The following MYO1B variants were observed in gnomAD, a reference collection of about 807,000 sequenced individuals.
MYO1B encodes unconventional myosin-Ib.
A neutral mutation model predicts 159.7 loss-of-function variants in MYO1B; 72 were observed. The ratio of observed to expected loss-of-function variants is 0.45; its 90% CI spans 0.37 to 0.55. The LOEUF is 0.55. MYO1B is among the 20% of genes least tolerant of loss of function. The pLI is 0.00. For synonymous variants in MYO1B, 468 were observed against 473.8 expected, an observed-to-expected ratio of 0.99 and a Z score of 0.16; for missense variants, 1,062 against 1,364.8, an observed-to-expected ratio of 0.78 and a Z score of 3.50.
chr2:191,390,451 GC>G lies in MYO1B; in HGVS notation c.1942del (p.Leu648PhefsTer24). 1 of 1,614,184 alleles carries G rather than the reference GC, an allele frequency of 6.2e-7. No individual in the cohort carries two copies. Among genetic ancestry groups the G allele is most frequent in the Non-Finnish European group, 8.5e-7 (1 of 1,180,008 alleles). On this transcript the variant is annotated frameshift_variant, in exon 18 of 31. Transcript: ENST00000392318. LOFTEE classifies it high-confidence loss of function. ...AACCTTGCCTAGAAAGATACAAAAT[GC>G]TTTGTAAACAAACATGGCCTCATTG... is the stretch of plus-strand genomic sequence containing the variant. ...YEPCLERYKM[L>X]CKQTWPHWKG...
At chr2:191,302,947 G>T (rs1689424019) in intron 3 of MYO1B, among the ~76,000 whole-genome samples, 1 of 152,180 alleles carries the variant, frequency 6.6e-6, no homozygotes. Context: ...TTTTGGGCCA[G>T]ACTGGTTTTT....
intron 13 of MYO1B, among the ~76,000 whole-genome samples, chr2:191,378,513 T>C (rs1694850811): frequency 6.6e-6 from 1 of 152,058 alleles, no homozygotes; most frequent in Non-Finnish European, 1.5e-5. Context: ...ATCAGTTAGG[T>C]TGGGGCAGAA....
At chr2:191,379,595 T>G (rs115067642) in intron 13 of MYO1B, among the ~76,000 whole-genome samples, 254 of 152,300 alleles carry the variant, frequency 1.7e-3, no homozygotes, top group Non-Finnish European at 1.8e-3. Flanking sequence ...TTCCTTCTCA[T>G]TATTTGCTGT....
At chr2:191,397,182 TTTTTA>T (rs1167800651) in intron 21 of MYO1B, among the ~76,000 whole-genome samples, 4 of 148,184 alleles carry the variant, frequency 2.7e-5, no homozygotes, top group South Asian at 2.1e-4. Context: ...TTTTTTTTAT[TTTTTA>T]TTTTATTTTA....
At chr2:191,282,149 C>A (rs1688099759) in intron 2 of MYO1B, among the ~76,000 whole-genome samples, 2 of 152,214 alleles carry the variant, frequency 1.3e-5, no homozygotes, top group South Asian at 4.1e-4. Flanking sequence ...TGGGTATAAT[C>A]TCTGTTCCTG....
At chr2:191,248,040 C>T in intron 1 of MYO1B, 1 of 984,880 alleles carries the variant, frequency 1.0e-6, no homozygotes, top group Non-Finnish European at 1.2e-6. Context: ...AAGAAGGGAT[C>T]TTCAGCATGT....
chr2:191,423,781 T>C (rs1030911953), intron 30 of MYO1B, 56 bp from the exon 31 acceptor site: 3 of 1,562,346 alleles, frequency 1.9e-6, no homozygotes, highest in Admixed American at 1.9e-5. Flanking sequence ...GCAAGTGTTA[T>C]TGTAATCATG....
At chr2:191,247,950 GCA>G (rs1309719441) in intron 1 of MYO1B, 2 of 985,314 alleles carry the variant, frequency 2.0e-6, no homozygotes, top group Non-Finnish European at 2.4e-6. Context: ...CCTGATTGCT[GCA>G]CAGTTATGCA....
In MYO1B at chr2:191,383,443, GTTT is replaced by G. The variant is rs200389825; in HGVS notation, c.1353+105_1353+107del. The G allele has an allele frequency of 8.0e-5, 6 of 75,300 alleles. No individual in the cohort carries two copies. In the South Asian group the frequency reaches 3.3e-3, roughly 42 times the overall value. 4.7% of individuals were successfully genotyped at this position (75,300 alleles called of 1,614,324 possible). A position where few individuals can be genotyped will look rare whatever the true frequency, so the allele number is the denominator to read the frequency against. On this transcript the variant is annotated intron_variant, in intron 15 of 30. Transcript: ENST00000392318. ...AATGTTAAGCATTAGTATTTTCACT[GTTT>G]TTTATATATATATATATATATATAT...
intron 3 of MYO1B, among the ~76,000 whole-genome samples, chr2:191,307,979 A>G (rs1232722691): frequency 6.6e-6 from 1 of 152,054 alleles, no homozygotes; most frequent in Non-Finnish European, 1.5e-5. Flanking sequence ...TCTCCCCAAA[A>G]AAACAGAATT....
chr2:191,408,324 C>A, intron 25 of MYO1B, 135 bp downstream of exon 25: 1 of 600,964 alleles, frequency 1.7e-6, no homozygotes. Context: ...ATAGCTGTGA[C>A]ACTGAGAGTT....
chr2:191,404,683 C>T (rs1696806478), intron 24 of MYO1B, among the ~76,000 whole-genome samples: 1 of 152,130 alleles, frequency 6.6e-6, no homozygotes, highest in Non-Finnish European at 1.5e-5. Flanking sequence ...TTTTGTTTGC[C>T]AGTGCAAATA....
At chr2:191,262,035 C>G (rs560204984) in intron 1 of MYO1B, among the ~76,000 whole-genome samples, 3 of 152,260 alleles carry the variant, frequency 2.0e-5, no homozygotes, top group African/African-American at 7.2e-5. Context: ...ACGCTCCTGT[C>G]TCTCTTCCAC....
At chr2:191,319,938 G>A (rs1194732361) in intron 3 of MYO1B, among the ~76,000 whole-genome samples, 2 of 152,096 alleles carry the variant, frequency 1.3e-5, no homozygotes, top group Non-Finnish European at 2.9e-5. Flanking sequence ...TATCAAGATG[G>A]CTTGTGAAAA....
At chr2:191,302,953 T>G (rs1464407813) in intron 3 of MYO1B, among the ~76,000 whole-genome samples, 1 of 152,110 alleles carries the variant, frequency 6.6e-6, no homozygotes, top group African/African-American at 2.4e-5. Context: ...GCCAGACTGG[T>G]TTTTCAGGAT....
intron 18 of MYO1B, 142 bp from the exon 19 acceptor site, chr2:191,391,966 G>A: frequency 1.8e-6 from 1 of 547,224 alleles, no homozygotes; most frequent in Non-Finnish European, 3.2e-6. Context: ...AAAATTCTTT[G>A]ATAAATGGAT....
chr2:191,357,177 C>G (rs1416736267), intron 7 of MYO1B, among the ~76,000 whole-genome samples: 1 of 152,030 alleles, frequency 6.6e-6, no homozygotes, highest in Non-Finnish European at 1.5e-5. Context: ...CAATACATGT[C>G]TTTTTATTTA....
chr2:191,251,864 G>T (rs768232871), intron 1 of MYO1B, among the ~76,000 whole-genome samples: 7 of 152,118 alleles, frequency 4.6e-5, no homozygotes, highest in Non-Finnish European at 1.0e-4. Flanking sequence ...AATACACAAA[G>T]AATCTTAATT....
At chr2:191,280,040 C>A (rs886910821) in intron 2 of MYO1B, among the ~76,000 whole-genome samples, 1 of 152,164 alleles carries the variant, frequency 6.6e-6, no homozygotes, top group Non-Finnish European at 1.5e-5. Flanking sequence ...CTCTTCTCCT[C>A]CCTCCCCCAA....
Sources: allele counts gnomAD v4.1 joint callset (sites outside exome capture counted in the v4.1 genomes callset), GRCh38; gene constraint gnomAD v4.1.1; transcripts MANE v1.5; gene names NCBI Gene and HGNC (gene_info 2026-07-23, HGNC 2026-07-21).